The following MYO5B variants were observed in gnomAD, a reference collection of about 807,000 sequenced individuals.
The protein encoded by MYO5B is unconventional myosin-Vb.
MYO5B carries 143 observed loss-of-function variants against 229.3 expected under a neutral mutation model. That is an observed-to-expected ratio of 0.62 (90% CI 0.54 to 0.72). MYO5B has a LOEUF of 0.72. Ranked by LOEUF, MYO5B falls within the 30% of genes least tolerant of loss-of-function variation. The pLI, the probability that MYO5B is intolerant of heterozygous loss-of-function variation, is 0.00. For missense variants in MYO5B, 2,321 were observed against 2,331.0 expected, an observed-to-expected ratio of 1.00 and a Z score of 0.09; for synonymous variants, 918 against 885.2, an observed-to-expected ratio of 1.04 and a Z score of -0.66.
chr18:50,051,795 A>G (rs1321937463), intron 2 of MYO5B, among the ~76,000 whole-genome samples: 3 of 152,360 alleles, frequency 2.0e-5, no homozygotes, highest in African/African-American at 7.2e-5. Context: ...ATACTGTATG[A>G]TTCCACTTCT....
At chr18:49,955,684 AG>A (rs1239744107) in intron 12 of MYO5B, among the ~76,000 whole-genome samples, 1 of 152,266 alleles carries the variant, frequency 6.6e-6, no homozygotes, top group Admixed American at 6.5e-5. Flanking sequence ...TAAACACCAT[AG>A]GAAATTCAAG....
chr18:49,894,629 C>T (rs2024755957), intron 22 of MYO5B, among the ~76,000 whole-genome samples: 1 of 152,176 alleles, frequency 6.6e-6, no homozygotes, highest in Non-Finnish European at 1.5e-5. Flanking sequence ...TTCTTGCCAA[C>T]AAGGATGCGG....
intron 1 of MYO5B, among the ~76,000 whole-genome samples, chr18:50,122,008 C>A (rs1397017749): frequency 6.6e-6 from 1 of 152,236 alleles, no homozygotes; most frequent in Non-Finnish European, 1.5e-5. Flanking sequence ...ATGAGGCTTG[C>A]AGTCAAATAG....
chr18:49,954,306 G>C lies in MYO5B; in HGVS notation c.1668+7C>G, dbSNP rs776472152. Reference sequence around the variant, plus strand: ...GGAATACCCGAGCCAACAGAGAGGAGAGCCACCTTGTCTGCAAAGTGGACG... The same window carrying C: ...GGAATACCCGAGCCAACAGAGAGGACAGCCACCTTGTCTGCAAAGTGGACG... On this transcript the variant is annotated splice_region_variant and intron_variant, in intron 13 of 39. Coordinates refer to ENST00000285039, the MANE Select transcript of MYO5B (RefSeq NM_001080467.3). 3 of 1,613,860 alleles carry C rather than the reference G, an allele frequency of 1.9e-6. No homozygotes were observed. In the Admixed American group the frequency reaches 5.0e-5, roughly 27 times the overall value.
chr18:49,964,206 T>C (rs2025595874), intron 10 of MYO5B, among the ~76,000 whole-genome samples: 1 of 152,222 alleles, frequency 6.6e-6, no homozygotes, highest in Middle Eastern at 3.2e-3. Context: ...GAACTAATGT[T>C]TGTTATGACC....
At chr18:49,854,257 T>TC (rs2024234643) in intron 30 of MYO5B, among the ~76,000 whole-genome samples, 1 of 152,200 alleles carries the variant, frequency 6.6e-6, no homozygotes, top group Non-Finnish European at 1.5e-5. Context: ...AAACTAAGAC[T>TC]ATTTGCAAAT....
chr18:50,111,700 C>A (rs1315540755), intron 1 of MYO5B, among the ~76,000 whole-genome samples: 2 of 152,214 alleles, frequency 1.3e-5, no homozygotes, highest in African/African-American at 4.8e-5. Context: ...TCCTTAAATT[C>A]TCTGCAGTTT....
intron 1 of MYO5B, among the ~76,000 whole-genome samples, chr18:50,179,130 G>A (rs1235666119): frequency 6.6e-6 from 1 of 152,160 alleles, no homozygotes; most frequent in African/African-American, 2.4e-5. Flanking sequence ...GCAGGTTAAA[G>A]CTCTTCCAGA....
At chr18:49,868,025 A>C (rs578211) in intron 27 of MYO5B, among the ~76,000 whole-genome samples, 111,932 of 151,970 alleles carry the variant, frequency 0.74, 41,400 homozygotes, top group Admixed American at 0.84. Flanking sequence ...CATGTCATAA[A>C]ATTTTAATCA....
chr18:50,136,345 GTT>G (rs1599047884), intron 1 of MYO5B, among the ~76,000 whole-genome samples: 1 of 122,072 alleles, frequency 8.2e-6, no homozygotes, highest in Admixed American at 9.0e-5. Context: ...CTGGATATTT[GTT>G]TTTTGTTTTT....
At chr18:50,012,683 C>T (rs1439043602) in intron 4 of MYO5B, among the ~76,000 whole-genome samples, 1 of 152,228 alleles carries the variant, frequency 6.6e-6, no homozygotes, top group Non-Finnish European at 1.5e-5. Flanking sequence ...AAGTGCTTCC[C>T]CTTCCAGGGA....
intron 14 of MYO5B, among the ~76,000 whole-genome samples, chr18:49,950,452 A>T (rs2025419833): frequency 6.6e-6 from 1 of 152,194 alleles, no homozygotes; most frequent in African/African-American, 2.4e-5. Context: ...CAACAGACAT[A>T]ATTGTACAGA....
At chr18:50,140,341 T>C (rs2032399335) in intron 1 of MYO5B, among the ~76,000 whole-genome samples, 1 of 152,230 alleles carries the variant, frequency 6.6e-6, no homozygotes. Flanking sequence ...TTCCCAAACA[T>C]GGTGCTGAGT....
At chr18:49,857,042 T>C (rs2024271509) in intron 29 of MYO5B, 152 bp from the exon 30 acceptor site, 1 of 707,416 alleles carries the variant, frequency 1.4e-6, no homozygotes, top group East Asian at 2.7e-5. Flanking sequence ...CCTCCTCTCC[T>C]GTCACCTGCA....
chr18:49,875,872 T>A (rs1598849997), intron 25 of MYO5B, 45 bp from the exon 26 acceptor site: 1 of 1,610,956 alleles, frequency 6.2e-7, no homozygotes. Flanking sequence ...CCTAAATACA[T>A]GCCTTAGGGA....
chr18:50,049,138 A>T (rs2030324260), intron 2 of MYO5B, among the ~76,000 whole-genome samples: 1 of 152,148 alleles, frequency 6.6e-6, no homozygotes, highest in African/African-American at 2.4e-5. Context: ...AAAGACTTCT[A>T]CAGATTCTTG....
chr18:49,899,551 G>A (rs1336049025), intron 21 of MYO5B, among the ~76,000 whole-genome samples: 1 of 152,168 alleles, frequency 6.6e-6, no homozygotes, highest in Non-Finnish European at 1.5e-5. Context: ...CTTATAGCTT[G>A]GTCAGAGGTG....
intron 1 of MYO5B, among the ~76,000 whole-genome samples, chr18:50,185,557 T>C (rs2033136619): frequency 2.0e-5 from 3 of 152,174 alleles, no homozygotes; most frequent in Admixed American, 6.5e-5. Flanking sequence ...TGCAAAGAAA[T>C]GATAAATGTT....
intron 1 of MYO5B, among the ~76,000 whole-genome samples, chr18:50,068,046 C>T (rs1406879638): frequency 1.3e-5 from 2 of 150,302 alleles, no homozygotes; most frequent in African/African-American, 2.5e-5. Context: ...CACACATATA[C>T]ACACACACAC....
Sources: gnomAD v4.1 joint callset for allele counts (sites outside exome capture counted in the v4.1 genomes callset) on GRCh38, gnomAD v4.1.1 for gene constraint, MANE v1.5 for transcripts, NCBI Gene and HGNC (gene_info 2026-07-23, HGNC 2026-07-21) for gene names.